The following SDR42E2 variants were observed in gnomAD, a reference collection of about 807,000 sequenced individuals.
The protein encoded by SDR42E2 is short chain dehydrogenase/reductase family 42E, member 2.
A neutral mutation model predicts 10.5 loss-of-function variants in SDR42E2; 20 were observed. The ratio of observed to expected loss-of-function variants is 1.90; its 90% confidence interval spans 1.34 to 2.77. SDR42E2 has a LOEUF of 2.77. Ranked by LOEUF, SDR42E2 falls within the 30% of genes most tolerant of loss-of-function variation. The pLI is 0.00. For missense variants in SDR42E2, 162 were observed against 104.2 expected, an observed-to-expected ratio of 1.55 and a Z score of -2.42; for synonymous variants, 72 against 39.2, an observed-to-expected ratio of 1.84 and a Z score of -3.12.
intron 11 of SDR42E2, among the ~76,000 whole-genome samples, chr16:22,185,103 A>T (rs1338084768): frequency 6.6e-6 from 1 of 151,534 alleles, no homozygotes; most frequent in Non-Finnish European, 1.5e-5. Context: ...CTCTGCTCCC[A>T]CCTCCACCCC....
At chr16:22,165,173 C>T (rs924415722) in intron 1 of SDR42E2, among the ~76,000 whole-genome samples, 3 of 152,140 alleles carry the variant, frequency 2.0e-5, no homozygotes, top group Admixed American at 6.6e-5. Context: ...CTGCAACCTC[C>T]GCCTTCCAGG....
At position 22,170,916 on chromosome 16, in the gene SDR42E2, G is replaced by A. The variant is rs903089124; in HGVS notation, c.478G>A (p.Asp160Asn). Reference protein sequence around the residue: ...AFGGKPIEQGDEDSVPYFPLD... With the variant: ...AFGGKPIEQGNEDSVPYFPLD... ...TGGAGGGAAGCCCATAGAGCAGGGC[G>A]ATGAGGACTCTGTGCCATATTTCCC... The change falls in exon 6 of 13, where the codon GAT becomes AAT. Residue 160 changes from aspartate (D) to asparagine (N), a missense_variant. Physicochemically the swap from Asp to Asn is conservative, Grantham distance 23. Transcript: ENST00000602312. The A allele has an allele frequency of 2.6e-5, 18 of 702,922 alleles. No homozygotes were observed. Among genetic ancestry groups the A allele is most frequent in the African/African-American group, 1.7e-4 (10 of 57,248 alleles). 43.5% of individuals were successfully genotyped at this position (702,922 alleles called of 1,614,324 possible).
chr16:22,188,872 C>G (rs574388268), intron 12 of SDR42E2, among the ~76,000 whole-genome samples: 2 of 152,206 alleles, frequency 1.3e-5, no homozygotes, highest in Admixed American at 1.3e-4. Context: ...GCAACGGAGG[C>G]AAGAAGACAT....
At position 22,167,165 on chromosome 16, in the gene SDR42E2, A is replaced by ATTT. The variant is rs534502295; in HGVS notation, c.336+202_336+204dup. ...CATGACACCAAATACCAGTTCTGCC[A>ATTT]TTTTTTTTTTTTTTTTTTTTTTTTT... On this transcript the variant is annotated intron_variant, in intron 4 of 12. Transcript: ENST00000602312. 2.4e-4 allele frequency among the ~76,000 whole-genome samples: 9 copies of ATTT among 37,726 alleles called. 3 individuals carry two copies. Among genetic ancestry groups the ATTT allele is most frequent in the Non-Finnish European group, 3.5e-4 (8 of 23,174 alleles). 24.7% of individuals were successfully genotyped at this position (37,726 alleles called of 152,430 possible). A position where few individuals can be genotyped will look rare whatever the true frequency, so the allele number is the denominator to read the frequency against.
intron 7 of SDR42E2, among the ~76,000 whole-genome samples, chr16:22,174,727 GC>G (rs2046630368): frequency 6.6e-6 from 1 of 152,062 alleles, no homozygotes; most frequent in Admixed American, 6.6e-5. Flanking sequence ...TAATCCTCCA[GC>G]CAAGAATTAT....
chr16:22,185,936 G>A (rs765507446), intron 11 of SDR42E2, among the ~76,000 whole-genome samples: 38 of 151,218 alleles, frequency 2.5e-4, no homozygotes, highest in Non-Finnish European at 4.0e-4. Flanking sequence ...AGATGAGGGC[G>A]TCTCACTTTG....
Position 22,166,448 on chromosome 16 carries a change from G to C in SDR42E2, c.240+14G>C. Reference sequence around the variant, plus strand: ...AAGTTCATCCAGGTACAAGGAACAAGGGTCTTAATAGACTGGGGCAGTGGT... The same window carrying C: ...AAGTTCATCCAGGTACAAGGAACAACGGTCTTAATAGACTGGGGCAGTGGT... On this transcript the variant is annotated intron_variant, in intron 3 of 12. Coordinates refer to ENST00000602312, the MANE Select transcript of SDR42E2 (RefSeq NM_001394319.2). 1 of 402,622 alleles carries C rather than the reference G, an allele frequency of 2.5e-6. No homozygotes were observed. Among genetic ancestry groups the C allele is most frequent in the Non-Finnish European group, 4.4e-6 (1 of 227,240 alleles). The allele number at this position is 402,622 out of a possible 1,614,324, so 24.9% of individuals were successfully genotyped here.
At position 22,169,482 on chromosome 16, in the gene SDR42E2, G is replaced by T. The variant is rs1215071877; in HGVS notation, c.374G>T (p.Gly125Val). The T allele has an allele frequency of 1.4e-6, 1 of 703,438 alleles. No homozygotes were observed. Among genetic ancestry groups the T allele is most frequent in the African/African-American group, 1.7e-5 (1 of 57,272 alleles). 43.6% of individuals were successfully genotyped at this position (703,438 alleles called of 1,614,324 possible). The stretch of plus-strand genomic sequence containing the variant: ...CAGATTGAGTCTATAAATGTTGGAG[G>T]CACCAAACTAGTGATTGATGGTAGG... ...KEQIESINVG[G>V]TKLVIDVCVR... Residue 125 changes from glycine to valine, a missense_variant, in exon 5 of 13, where the codon GGC becomes GTC. Gly to Val is a moderately radical substitution (Grantham distance 109, BLOSUM62 -3). Transcript: ENST00000602312.
At chr16:22,169,304 A>G in intron 4 of SDR42E2, 141 bp from the exon 5 acceptor site, 1 of 645,482 alleles carries the variant, frequency 1.5e-6, no homozygotes, top group Non-Finnish European at 2.8e-6. Context: ...AGGCACCCAC[A>G]CTCCAGGTGG....
At chr16:22,174,319 C>A (rs942754885) in intron 7 of SDR42E2, among the ~76,000 whole-genome samples, 2 of 151,840 alleles carry the variant, frequency 1.3e-5, no homozygotes, top group African/African-American at 4.8e-5. Context: ...GGAGACAGAG[C>A]GAGACTCCAT....
rs369747233 is a variant in SDR42E2 at position 22,185,585 on chromosome 16, G to A, written c.941-1136G>A. Among the ~76,000 whole-genome samples, 42 of 152,218 alleles carry A rather than the reference G, an allele frequency of 2.8e-4. No homozygotes were observed. The East Asian group carries it at 3.1e-3, about 11-fold the overall frequency. On this transcript the variant is annotated intron_variant, in intron 11 of 12. Transcript: ENST00000602312. ...GACCAATTAAATTGGGATTAGCAGG[G>A]AGGAAGTGGGAGGAAAGCATCAGTA...
At chr16:22,173,930 G>T (rs1320347799) in intron 7 of SDR42E2, among the ~76,000 whole-genome samples, 96 of 85,582 alleles carry the variant, frequency 1.1e-3, no homozygotes, top group East Asian at 9.8e-3. Flanking sequence ...TATATATATA[G>T]CTTTCTAAAA....
intron 7 of SDR42E2, among the ~76,000 whole-genome samples, chr16:22,173,254 C>G (rs114071068): frequency 1.3e-5 from 2 of 151,936 alleles, no homozygotes; most frequent in African/African-American, 2.4e-5. Context: ...GAGTATTGCT[C>G]TGTCACCCAG....
Position 22,191,323 on chromosome 16 carries a change from G to GT in SDR42E2, c.*931dup, listed in dbSNP as rs2046773905. 1.3e-5 allele frequency: 2 copies of GT among 151,630 alleles called. No individual in the cohort carries two copies. Among genetic ancestry groups the GT allele is most frequent in the Admixed American group, 6.6e-5 (1 of 15,188 alleles). 9.4% of individuals were successfully genotyped at this position (151,630 alleles called of 1,614,324 possible). A position where few individuals can be genotyped will look rare whatever the true frequency, so the allele number is the denominator to read the frequency against. On this transcript the variant is annotated 3_prime_UTR_variant, in exon 13 of 13. Coordinates refer to ENST00000602312, the MANE Select transcript of SDR42E2 (RefSeq NM_001394319.2). ...GGACCCGGTCCCGCCCTTCTCGCGTGTAATTGAGTCCTGGCCCCGCCCCCT... is the reference window on the plus strand; with the variant it reads ...GGACCCGGTCCCGCCCTTCTCGCGTGTTAATTGAGTCCTGGCCCCGCCCCCT...
At chr16:22,174,872 CA>C (rs1373796775) in intron 7 of SDR42E2, among the ~76,000 whole-genome samples, 1 of 152,056 alleles carries the variant, frequency 6.6e-6, no homozygotes, top group African/African-American at 2.4e-5. Flanking sequence ...CCAGGTGACC[CA>C]GAGTTTAAAA....
At chr16:22,168,536 G>A (rs1397927051) in intron 4 of SDR42E2, among the ~76,000 whole-genome samples, 2 of 151,808 alleles carry the variant, frequency 1.3e-5, no homozygotes, top group Admixed American at 1.3e-4. Flanking sequence ...AAAGTGCTGG[G>A]ATTACAGGCA....
rs61146686 is a variant in SDR42E2 at position 22,190,393 on chromosome 16, ACCGTCCG to A, written c.*11_*17del. ...TGCACGCCGCCGTGGAGCGCCTGTG[ACCGTCCG>A]CCGTCCGCCGCCCGCTAGGGTCGGC... is the stretch of plus-strand genomic sequence containing the variant. On this transcript the variant is annotated 3_prime_UTR_variant, in exon 13 of 13. Transcript: ENST00000602312. 4 of 401,834 alleles carry A rather than the reference ACCGTCCG, an allele frequency of 1.0e-5. No homozygotes were observed. Among genetic ancestry groups the A allele is most frequent in the African/African-American group, 4.1e-5 (2 of 48,706 alleles). 24.9% of individuals were successfully genotyped at this position (401,834 alleles called of 1,614,324 possible).
At chr16:22,163,277 C>T (rs2046510789) in intron 1 of SDR42E2, among the ~76,000 whole-genome samples, 1 of 152,136 alleles carries the variant, frequency 6.6e-6, no homozygotes, top group Non-Finnish European at 1.5e-5. Flanking sequence ...CAGCTCTGGT[C>T]CCATAGACCC....
At chr16:22,166,157 G>T in intron 2 of SDR42E2, 93 bp from the exon 3 acceptor site, 1 of 445,094 alleles carries the variant, frequency 2.2e-6, no homozygotes, top group South Asian at 5.3e-5. Flanking sequence ...GCAGGAGCTG[G>T]GTCTACACCT....
Sources: gnomAD v4.1 joint callset for allele counts (sites outside exome capture counted in the v4.1 genomes callset) on GRCh38, gnomAD v4.1.1 for gene constraint, MANE v1.5 for transcripts, NCBI Gene and HGNC (gene_info 2026-07-23, HGNC 2026-07-21) for gene names.